Variants in POU6F2 observed in about 807,000 individuals in gnomAD.
POU6F2 encodes the protein POU domain, class 6, transcription factor 2.
Under a neutral mutation model 71.3 loss-of-function variants are expected in POU6F2, and 31 were observed. The observed-to-expected ratio is 0.43, with a 90% CI of 0.33 to 0.59. POU6F2 has a LOEUF of 0.59. Ranked by LOEUF, POU6F2 falls within the 20% of genes least tolerant of loss-of-function variation. The pLI, the probability that POU6F2 is intolerant of heterozygous loss-of-function variation, is 0.04. For missense variants in POU6F2, 783 were observed against 856.8 expected, an observed-to-expected ratio of 0.91 and a Z score of 1.07; for synonymous variants, 347 against 355.7, an observed-to-expected ratio of 0.98 and a Z score of 0.27.
chr7:39,223,671 C>T (rs917198159), intron 4 of POU6F2, among the ~76,000 whole-genome samples: 1 of 152,172 alleles, frequency 6.6e-6, no homozygotes, highest in African/African-American at 2.4e-5. Context: ...ATCTAAATCC[C>T]TTCCTGAATC....
chr7:39,181,705 C>T (rs1317804484), intron 2 of POU6F2, among the ~76,000 whole-genome samples: 1 of 152,144 alleles, frequency 6.6e-6, no homozygotes, highest in African/African-American at 2.4e-5. Flanking sequence ...TCACAACCAC[C>T]CCTCTCCAAC....
intron 5 of POU6F2, among the ~76,000 whole-genome samples, chr7:39,380,707 A>G (rs1450831052): frequency 6.6e-6 from 1 of 152,218 alleles, no homozygotes; most frequent in Non-Finnish European, 1.5e-5. Flanking sequence ...GTACGGAGGC[A>G]AAGTATGAAA....
chr7:39,058,738 T>G (rs1173158819), intron 1 of POU6F2, among the ~76,000 whole-genome samples: 13 of 152,174 alleles, frequency 8.5e-5, no homozygotes, highest in African/African-American at 3.1e-4. Flanking sequence ...TAAATGGGTT[T>G]ATTTATTTAT....
At chr7:39,360,158 T>C (rs1416178962) in intron 5 of POU6F2, among the ~76,000 whole-genome samples, 5 of 152,224 alleles carry the variant, frequency 3.3e-5, no homozygotes, top group Non-Finnish European at 1.5e-5. Context: ...CATCCTTATT[T>C]AGAATTGCAT....
At chr7:39,299,482 C>A (rs1784913125) in intron 4 of POU6F2, among the ~76,000 whole-genome samples, 1 of 152,076 alleles carries the variant, frequency 6.6e-6, no homozygotes, top group Non-Finnish European at 1.5e-5. Flanking sequence ...CTGAAATAAA[C>A]AAAACAGAAA....
At chr7:39,025,793 A>G (rs1789787003) in intron 1 of POU6F2, among the ~76,000 whole-genome samples, 1 of 151,312 alleles carries the variant, frequency 6.6e-6, no homozygotes, top group Non-Finnish European at 1.5e-5. Context: ...AAAAGAAACT[A>G]CCATCAGAGT....
chr7:39,341,239 G>GT (rs1405392075), intron 5 of POU6F2, among the ~76,000 whole-genome samples: 1 of 152,200 alleles, frequency 6.6e-6, no homozygotes, highest in Non-Finnish European at 1.5e-5. Context: ...ATTCTCAGTG[G>GT]TGTGGCCCAA....
chr7:39,293,971 C>A (rs4072719), intron 4 of POU6F2, among the ~76,000 whole-genome samples: 69,088 of 151,700 alleles, frequency 0.46, 16,534 homozygotes, highest in Admixed American at 0.59. Context: ...GGATGAAAAA[C>A]TTTGAAAGGG....
chr7:39,006,698 T>C, intron 1 of POU6F2: 2 of 748,716 alleles, frequency 2.7e-6, no homozygotes, highest in Non-Finnish European at 4.7e-6. Context: ...GTGTGTCATT[T>C]CAGCTGAGTT....
At chr7:39,336,651 C>G (rs573443899) in intron 4 of POU6F2, among the ~76,000 whole-genome samples, 67 of 152,266 alleles carry the variant, frequency 4.4e-4, no homozygotes, top group African/African-American at 1.6e-3. Context: ...TGAGTCTACT[C>G]CAGCTCCCAG....
chr7:39,172,068 A>G (rs1325911952), intron 2 of POU6F2, among the ~76,000 whole-genome samples: 2 of 152,326 alleles, frequency 1.3e-5, no homozygotes, highest in East Asian at 3.9e-4. Context: ...AAATCAGAAA[A>G]GTGTAAAAAG....
intron 6 of POU6F2, among the ~76,000 whole-genome samples, chr7:39,413,826 A>G (rs1165110713): frequency 6.6e-6 from 1 of 152,258 alleles, no homozygotes; most frequent in African/African-American, 2.4e-5. Context: ...TTCTACTAAC[A>G]TATCAAATTT....
At chr7:39,063,078 A>G (rs1266608337) in intron 1 of POU6F2, among the ~76,000 whole-genome samples, 1 of 152,182 alleles carries the variant, frequency 6.6e-6, no homozygotes, top group African/African-American at 2.4e-5. Context: ...ACAGAAAAAA[A>G]GAATATTGGA....
At chr7:39,051,438 A>G (rs981162585) in intron 1 of POU6F2, among the ~76,000 whole-genome samples, 1 of 152,090 alleles carries the variant, frequency 6.6e-6, no homozygotes, top group South Asian at 2.1e-4. Context: ...GTTACTTTCT[A>G]TGTACATAAT....
rs1265731176 is a variant in POU6F2, at chr7:39,339,805, C to G, written c.762C>G (p.Pro254=). ...SQQQPLQPTP[P]QQPPPASQQP... ...AGCAGCCGCTGCAGCCCACCCCACC[C>G]CAGCAGCCACCACCCGCCTCTCAGC... The change falls in exon 5 of 10, where the codon CCC becomes CCG. Residue 254 remains proline, a synonymous_variant. Transcript: ENST00000518318. The G allele has an allele frequency of 1.9e-6, 3 of 1,571,270 alleles. No homozygotes were observed. The highest frequency in any genetic ancestry group is 1.9e-5 in the Admixed American group (1 of 52,372).
chr7:39,344,166 T>C (rs935274147), intron 5 of POU6F2, among the ~76,000 whole-genome samples: 1 of 152,128 alleles, frequency 6.6e-6, no homozygotes, highest in Admixed American at 6.5e-5. Context: ...CAGGATAATC[T>C]TTTCCTTTTC....
chr7:39,455,155 T>G (rs1294598042), intron 8 of POU6F2, among the ~76,000 whole-genome samples: 1 of 152,170 alleles, frequency 6.6e-6, no homozygotes, highest in Non-Finnish European at 1.5e-5. Flanking sequence ...TTGACAAATG[T>G]CCCAATTAGG....
chr7:39,089,459 GC>G (rs1791320047), intron 2 of POU6F2, among the ~76,000 whole-genome samples: 1 of 152,174 alleles, frequency 6.6e-6, no homozygotes, highest in African/African-American at 2.4e-5. Flanking sequence ...GCTACATAGA[GC>G]CAGTCATTTA....
chr7:39,081,139 T>C (rs1298888213), intron 1 of POU6F2, among the ~76,000 whole-genome samples: 1 of 152,208 alleles, frequency 6.6e-6, no homozygotes. Flanking sequence ...ATATATCATA[T>C]ATGCTAACTA....
Sources: gnomAD v4.1 joint callset for allele counts (sites outside exome capture counted in the v4.1 genomes callset) on GRCh38, gnomAD v4.1.1 for gene constraint, MANE v1.5 for transcripts, NCBI Gene and HGNC (gene_info 2026-07-23, HGNC 2026-07-21) for gene names.